Variants in ZC3HAV1 observed in about 807,000 individuals in gnomAD.
ZC3HAV1 encodes zinc finger CCCH-type antiviral protein 1.
A neutral mutation model predicts 86.6 loss-of-function variants in ZC3HAV1; 41 were observed. The observed-to-expected ratio is 0.47, with a 90% CI of 0.37 to 0.61. The LOEUF (loss-of-function observed/expected upper bound fraction) is 0.61. Ranked by LOEUF, ZC3HAV1 falls within the 20% of genes least tolerant of loss-of-function variation. The probability of loss-of-function intolerance (pLI) is 0.00; values close to 1 mark genes in which losing one functional copy is unlikely to be tolerated. For synonymous variants in ZC3HAV1, 421 were observed against 432.1 expected, an observed-to-expected ratio of 0.97 and a Z score of 0.32; for missense variants, 964 against 1,141.1, an observed-to-expected ratio of 0.84 and a Z score of 2.24.
At chr7:139,082,875 GT>G (rs11419329) in intron 3 of ZC3HAV1, among the ~76,000 whole-genome samples, 4 of 151,064 alleles carry the variant, frequency 2.6e-5, no homozygotes, top group East Asian at 1.9e-4. Flanking sequence ...TAAAATATTG[GT>G]TTTTTTTTAA....
intron 1 of ZC3HAV1, among the ~76,000 whole-genome samples, chr7:139,106,495 T>G (rs922235633): frequency 2.0e-5 from 3 of 152,096 alleles, no homozygotes; most frequent in African/African-American, 4.8e-5. Context: ...ACACCTATAA[T>G]CCCAGCTACT....
At chr7:139,096,007 G>A (rs897446427) in intron 1 of ZC3HAV1, among the ~76,000 whole-genome samples, 1 of 151,240 alleles carries the variant, frequency 6.6e-6, no homozygotes, top group Non-Finnish European at 1.5e-5. Flanking sequence ...CTGCTACAAT[G>A]TTTTTTTTTG....
In ZC3HAV1 at chr7:139,047,855, TAGAA is replaced by T. The variant is rs1387514260; in HGVS notation, c.2450-6_2450-3del. 2 of 1,607,602 alleles carry T rather than the reference TAGAA, an allele frequency of 1.2e-6. No individual in the cohort carries two copies. The highest frequency in any genetic ancestry group is 1.3e-5 in the African/African-American group (1 of 74,364). On this transcript the variant is annotated splice_polypyrimidine_tract_variant and splice_region_variant and intron_variant, in intron 12 of 12. Transcript: ENST00000242351. ...TGGCATCTTTTGCAAAGTAAATTCC[TAGAA>T]AGAATCAGAAAGAAAAGTTAAGAAA...
chr7:139,106,824 T>C (rs13240212), intron 1 of ZC3HAV1, among the ~76,000 whole-genome samples: 35,253 of 141,526 alleles, frequency 0.25, 4,360 homozygotes, highest in East Asian at 0.44. Context: ...AAGTACTTAG[T>C]AATCAAATGG....
At chr7:139,097,495 C>T (rs867603659) in intron 1 of ZC3HAV1, among the ~76,000 whole-genome samples, 5 of 139,510 alleles carry the variant, frequency 3.6e-5, no homozygotes, top group South Asian at 2.3e-4. Flanking sequence ...AGTGCAGTGG[C>T]GCGATCTCGG....
intron 7 of ZC3HAV1, among the ~76,000 whole-genome samples, chr7:139,073,415 T>C (rs1816838563): frequency 6.6e-6 from 1 of 152,092 alleles, no homozygotes; most frequent in African/African-American, 2.4e-5. Flanking sequence ...AGTAAAAAAA[T>C]ACCACTTCCT....
At chr7:139,103,316 G>T (rs1246514028) in intron 1 of ZC3HAV1, among the ~76,000 whole-genome samples, 1 of 147,420 alleles carries the variant, frequency 6.8e-6, no homozygotes. Flanking sequence ...TGTTGTCCAG[G>T]CTAGTCTTGA....
At chr7:139,056,506 C>G (rs867475525) in intron 9 of ZC3HAV1, among the ~76,000 whole-genome samples, 6 of 150,656 alleles carry the variant, frequency 4.0e-5, no homozygotes, top group Non-Finnish European at 8.8e-5. Flanking sequence ...TCAAGTGATC[C>G]TCCCACCTCA....
rs751602410 is a variant in ZC3HAV1, at chr7:139,047,523, G to T, written c.*71C>A. ...AGGAAAATATAAAACTTTAACTCCTGTCTGCGGCAATTTAGTTCTGTAAAG... is the reference window on the plus strand; with the variant it reads ...AGGAAAATATAAAACTTTAACTCCTTTCTGCGGCAATTTAGTTCTGTAAAG... On this transcript the variant is annotated 3_prime_UTR_variant, in exon 13 of 13. Transcript: ENST00000242351. 5.2e-4 allele frequency: 821 copies of T among 1,592,872 alleles called. 1 individual carries two copies. The highest frequency in any genetic ancestry group is 6.4e-4 in the Non-Finnish European group (746 of 1,170,836).
chr7:139,086,609 G>A (rs1032411256), intron 2 of ZC3HAV1, among the ~76,000 whole-genome samples: 1 of 152,112 alleles, frequency 6.6e-6, no homozygotes, highest in African/African-American at 2.4e-5. Context: ...CTCCTCCCTA[G>A]AAAAGGGAAG....
Position 139,047,679 on chromosome 7 carries a change from G to A in ZC3HAV1, c.2624C>T (p.Ser875Phe). Residue 875 changes from serine to phenylalanine, a missense_variant, in exon 13 of 13, where the codon TCC (serine) becomes TTC (phenylalanine). Coordinates refer to ENST00000242351, the MANE Select transcript of ZC3HAV1 (RefSeq NM_020119.4). ...ATCTTTCTGAAAGATGACAAAAACG[G>A]AGGGATTCGATCTGGTATCCACACA... Reference protein sequence around the residue: ...DSCVDTRSNPSVFVIFQKDQV... With the variant: ...DSCVDTRSNPFVFVIFQKDQV... The A allele has an allele frequency of 3.1e-6, 5 of 1,614,102 alleles. No homozygotes were observed. The highest frequency in any genetic ancestry group is 1.1e-5 in the South Asian group (1 of 91,050).
chr7:139,062,903 C>A (rs1293396123), intron 8 of ZC3HAV1, among the ~76,000 whole-genome samples: 1 of 151,790 alleles, frequency 6.6e-6, no homozygotes, highest in Non-Finnish European at 1.5e-5. Flanking sequence ...GTAGCACACA[C>A]CTGTAGTCCC....
chr7:139,078,203 C>T (rs1485835344), intron 5 of ZC3HAV1, among the ~76,000 whole-genome samples: 3 of 152,224 alleles, frequency 2.0e-5, no homozygotes, highest in Non-Finnish European at 2.9e-5. Flanking sequence ...TACACCACTG[C>T]ACTCCATCCT....
intron 1 of ZC3HAV1, among the ~76,000 whole-genome samples, chr7:139,101,059 G>C (rs6978004): frequency 0.021 from 3,273 of 152,304 alleles, 104 homozygotes; most frequent in African/African-American, 0.075. Context: ...TGGCCGGGCT[G>C]GTCTCCAGCT....
intron 12 of ZC3HAV1, among the ~76,000 whole-genome samples, chr7:139,052,878 G>A (rs930700343): frequency 1.3e-5 from 2 of 151,202 alleles, no homozygotes; most frequent in African/African-American, 4.9e-5. Context: ...GCAGTGAGCC[G>A]AGATTGTCAC....
intron 1 of ZC3HAV1, among the ~76,000 whole-genome samples, chr7:139,096,954 T>C (rs1219054753): frequency 1.9e-5 from 2 of 103,960 alleles, no homozygotes. Flanking sequence ...GCAACATGTC[T>C]CTATTGAAAA....
intron 9 of ZC3HAV1, chr7:139,060,757 A>G (rs1816419934): frequency 3.1e-6 from 4 of 1,290,158 alleles, no homozygotes; most frequent in Non-Finnish European, 3.0e-6. Context: ...GCATCAATCC[A>G]GCTCTTCACA....
chr7:139,097,804 C>A (rs1817652115), intron 1 of ZC3HAV1, among the ~76,000 whole-genome samples: 1 of 151,902 alleles, frequency 6.6e-6, no homozygotes, highest in Non-Finnish European at 1.5e-5. Context: ...GCTGAAAGGG[C>A]TGGAGGAGTG....
At chr7:139,048,488 C>T (rs1212954122) in intron 12 of ZC3HAV1, among the ~76,000 whole-genome samples, 1 of 151,886 alleles carries the variant, frequency 6.6e-6, no homozygotes, top group African/African-American at 2.4e-5. Flanking sequence ...CACTTGTAAT[C>T]TCAGCTACTC....
Sources: allele counts gnomAD v4.1 joint callset (sites outside exome capture counted in the v4.1 genomes callset), GRCh38; gene constraint gnomAD v4.1.1; transcripts MANE v1.5; gene names NCBI Gene and HGNC (gene_info 2026-07-23, HGNC 2026-07-21).